Variants in WDTC1 observed in about 807,000 individuals in gnomAD.
The protein encoded by WDTC1 is WD and tetratricopeptide repeats 1, also known as WD and tetratricopeptide repeats protein 1.
A neutral mutation model predicts 76.0 loss-of-function variants in WDTC1; 12 were observed. The observed-to-expected ratio is 0.16, with a 90% CI of 0.10 to 0.26. WDTC1 has a LOEUF of 0.26. WDTC1 is among the 10% of genes least tolerant of loss of function. WDTC1 has a pLI of 1.00. For synonymous variants in WDTC1, 326 were observed against 350.8 expected (o/e 0.93, Z 0.79); for missense variants, 511 against 908.8 (o/e 0.56, Z 5.63).
At chr1:27,247,811 C>T (rs1050582047) in intron 1 of WDTC1, among the ~76,000 whole-genome samples, 1 of 151,188 alleles carries the variant, frequency 6.6e-6, no homozygotes, top group African/African-American at 2.4e-5. Context: ...CTCTGCCTCC[C>T]GGGTTCAAGT....
At chr1:27,295,393 G>A (rs1247288050) in intron 9 of WDTC1, among the ~76,000 whole-genome samples, 1 of 152,070 alleles carries the variant, frequency 6.6e-6, no homozygotes, top group African/African-American at 2.4e-5. Flanking sequence ...TAGTGCTAGG[G>A]TAAACATTTG....
At position 27,303,822 on chromosome 1, in the gene WDTC1, A is replaced by G. The variant is rs771940300; in HGVS notation, c.1643+27A>G. The G allele has an allele frequency of 1.3e-5, 21 of 1,610,678 alleles. No individual in the cohort carries two copies. The Middle Eastern group carries it at 8.3e-4, about 63-fold the overall frequency. On this transcript the variant is annotated intron_variant, in intron 14 of 15. Transcript: ENST00000319394. This position sits in a 1 kb window ranked among gnomAD's most constrained non-coding sequence, Gnocchi z 4.8. ...TCCGAGGCCCTGAAGAGGAGGGTGC[A>G]GCCCAGTTGGCAGCGGGAGGTTGAG...
chr1:27,268,482 G>C (rs773140269), intron 3 of WDTC1, among the ~76,000 whole-genome samples: 9 of 149,160 alleles, frequency 6.0e-5, no homozygotes. Context: ...GCAGTGGCGT[G>C]ATCTTGGCTC....
intron 1 of WDTC1, among the ~76,000 whole-genome samples, chr1:27,245,560 T>G (rs556665169): frequency 2.2e-4 from 30 of 138,936 alleles, no homozygotes; most frequent in East Asian, 8.0e-4. Context: ...TTTTTTTTGG[T>G]TTTTTTTTTT....
At position 27,257,834 on chromosome 1, in the gene WDTC1, A is replaced by C. The variant is rs532221386; in HGVS notation, c.-99-3122A>C. Reference sequence around the variant, plus strand: ...GAGACAGAGTCTTGCTCTGTCACCCAGGCTGGAGTGCAGTGGTGCAGACTA... The same window carrying C: ...GAGACAGAGTCTTGCTCTGTCACCCCGGCTGGAGTGCAGTGGTGCAGACTA... On this transcript the variant is annotated intron_variant, in intron 1 of 15. Coordinates refer to ENST00000319394, the MANE Select transcript of WDTC1 (RefSeq NM_001276252.2). 2.0e-3 allele frequency among the ~76,000 whole-genome samples: 310 copies of C among 152,204 alleles called. 2 individuals are homozygous for C. Among genetic ancestry groups the C allele is most frequent in the Middle Eastern group, 3.4e-3 (1 of 294 alleles).
intron 5 of WDTC1, among the ~76,000 whole-genome samples, chr1:27,285,139 C>T (rs1281836893): frequency 6.7e-6 from 1 of 149,934 alleles, no homozygotes; most frequent in Non-Finnish European, 1.5e-5. Flanking sequence ...TGGGTTCAAG[C>T]GATTCTTGTG....
At chr1:27,296,471 A>G in intron 10 of WDTC1, 70 bp downstream of exon 10, 2 of 1,521,254 alleles carry the variant, frequency 1.3e-6, no homozygotes, top group South Asian at 1.1e-5. Context: ...ACACCTGCTG[A>G]GAAGCCTGCC....
chr1:27,264,011 A>T (rs2147935896), intron 3 of WDTC1, among the ~76,000 whole-genome samples: 1 of 152,230 alleles, frequency 6.6e-6, no homozygotes, highest in South Asian at 2.1e-4. Context: ...TTAAAAAAAA[A>T]AAAAGACCGG....
chr1:27,294,790 C>T (rs1207233744), intron 9 of WDTC1, among the ~76,000 whole-genome samples, 161 bp downstream of exon 9: 2 of 152,166 alleles, frequency 1.3e-5, no homozygotes, highest in Non-Finnish European at 2.9e-5. Flanking sequence ...TTGGAGTTCC[C>T]AGAGAGATGT....
rs574295853 is a variant in WDTC1, at chr1:27,258,809, C to T, written c.-99-2147C>T. 2.2e-4 allele frequency among the ~76,000 whole-genome samples: 34 copies of T among 152,216 alleles called. No homozygotes were observed. In the South Asian group the frequency reaches 5.6e-3, roughly 25 times the overall value. On this transcript the variant is annotated intron_variant, in intron 1 of 15. Coordinates refer to ENST00000319394, the MANE Select transcript of WDTC1 (RefSeq NM_001276252.2). ...GTCTGCTCACAGATCAGGTGAAAAA[C>T]GTGATTTCAGTAGAGGAGGCCAGCT...
At chr1:27,261,775 G>C (rs1357815491) in intron 2 of WDTC1, among the ~76,000 whole-genome samples, 1 of 152,030 alleles carries the variant, frequency 6.6e-6, no homozygotes, top group East Asian at 1.9e-4. Flanking sequence ...ACTAACTATA[G>C]GTCTTTAGTC....
At chr1:27,275,378 G>T (rs987057387) in intron 3 of WDTC1, among the ~76,000 whole-genome samples, 3 of 152,078 alleles carry the variant, frequency 2.0e-5, no homozygotes, top group African/African-American at 7.2e-5. Flanking sequence ...AAGTAAACTA[G>T]ATACCAAGTT....
In WDTC1 at chr1:27,301,308, C is replaced by T; in HGVS notation, c.1315C>T (p.Leu439=). The T allele has an allele frequency of 6.2e-7, 1 of 1,614,220 alleles. No homozygotes were observed. Among genetic ancestry groups the T allele is most frequent in the Non-Finnish European group, 8.5e-7 (1 of 1,180,036 alleles). The change falls in exon 13 of 16, where the codon CTG becomes TTG. Residue 439 remains leucine, a synonymous_variant. Transcript: ENST00000319394. This position sits in a 1 kb window ranked among gnomAD's most constrained non-coding sequence, Gnocchi z 5.8. ...ATGCCACCTGAAGGCACACTTTCGC[C>T]TGGCCCGCTGCCTCTTTGAGCTCAA... ...NPCHLKAHFR[L]ARCLFELKYV...
At chr1:27,254,728 G>A (rs908261317) in intron 1 of WDTC1, among the ~76,000 whole-genome samples, 15 of 152,236 alleles carry the variant, frequency 9.9e-5, no homozygotes, top group African/African-American at 3.6e-4. Context: ...CGCCTCCCAG[G>A]TTAAAACGAT....
chr1:27,270,246 T>C (rs1271822068), intron 3 of WDTC1, among the ~76,000 whole-genome samples: 1 of 152,246 alleles, frequency 6.6e-6, no homozygotes, highest in African/African-American at 2.4e-5. Context: ...TTTAAAAAAT[T>C]AATGTTGGCT....
At chr1:27,288,911 T>C (rs1156282290) in intron 6 of WDTC1, among the ~76,000 whole-genome samples, 73 of 151,606 alleles carry the variant, frequency 4.8e-4, no homozygotes, top group African/African-American at 1.7e-3. Flanking sequence ...GGCTCCTCAC[T>C]TCCCAGTAGG....
At chr1:27,263,035 C>T (rs1166956682) in intron 2 of WDTC1, 117 bp from the exon 3 acceptor site, 1 of 1,016,680 alleles carries the variant, frequency 9.8e-7, no homozygotes, top group Non-Finnish European at 1.5e-6. Flanking sequence ...TAGGCCAGTT[C>T]CTTGTTGTCT....
chr1:27,286,195 G>A (rs1462838514), intron 5 of WDTC1, among the ~76,000 whole-genome samples: 1 of 151,284 alleles, frequency 6.6e-6, no homozygotes, highest in East Asian at 1.9e-4. Context: ...TAAAGACGGG[G>A]TTTCACCATG....
In WDTC1 at chr1:27,306,064, G is replaced by T; in HGVS notation, c.1837-122G>T. The stretch of plus-strand genomic sequence containing the variant: ...CTCCACCATATACACCTCCTGGCAT[G>T]TATGTGTACCTCCCCCTATAGATAG... On this transcript the variant is annotated intron_variant, in intron 15 of 15. Transcript: ENST00000319394. The surrounding 1 kb of genome is among the most constrained non-coding windows in gnomAD (Gnocchi z 5.0). 4 of 1,102,860 alleles carry T rather than the reference G, an allele frequency of 3.6e-6. No individual in the cohort carries two copies. Among genetic ancestry groups the T allele is most frequent in the Non-Finnish European group, 5.2e-6 (4 of 762,062 alleles). 68.3% of individuals were successfully genotyped at this position (1,102,860 alleles called of 1,614,324 possible).
Sources: gnomAD v4.1 joint callset for allele counts (sites outside exome capture counted in the v4.1 genomes callset) on GRCh38, gnomAD v4.1.1 for gene constraint, Gnocchi (gnomAD v3.1) non-coding constraint, MANE v1.5 for transcripts, NCBI Gene and HGNC (gene_info 2026-07-23, HGNC 2026-07-21) for gene names.